Variants in ATP2C1 observed in about 807,000 individuals in gnomAD.
ATP2C1 encodes ATPase secretory pathway Ca2+ transporting 1.
A neutral mutation model predicts 120.5 loss-of-function variants in ATP2C1; 31 were observed. The observed-to-expected ratio is 0.26, with a 90% CI of 0.19 to 0.35. The LOEUF (loss-of-function observed/expected upper bound fraction) is 0.35, where lower values mean the gene tolerates loss of function less well. ATP2C1 is among the 10% of genes least tolerant of loss of function. The probability of loss-of-function intolerance (pLI) is 1.00; values close to 1 mark genes in which losing one functional copy is unlikely to be tolerated. For missense variants in ATP2C1, 731 were observed against 1,107.5 expected, an observed-to-expected ratio of 0.66 and a Z score of 4.83; for synonymous variants, 351 against 358.7, an observed-to-expected ratio of 0.98 and a Z score of 0.24.
chr3:130,871,391 A>G (rs1296524451), intron 1 of ATP2C1, among the ~76,000 whole-genome samples: 2 of 152,254 alleles, frequency 1.3e-5, no homozygotes, highest in Non-Finnish European at 2.9e-5. Context: ...AATCACCTAA[A>G]GGACTAATTA....
intron 16 of ATP2C1, among the ~76,000 whole-genome samples, chr3:130,968,386 G>A (rs529506692): frequency 1.3e-5 from 2 of 152,200 alleles, no homozygotes; most frequent in East Asian, 3.9e-4. Flanking sequence ...TGAGACAAAA[G>A]GCAGTCCAAG....
chr3:130,941,923 C>G (rs1303451698), intron 8 of ATP2C1, among the ~76,000 whole-genome samples: 1 of 151,964 alleles, frequency 6.6e-6, no homozygotes, highest in Non-Finnish European at 1.5e-5. Context: ...TTTATAGAAA[C>G]CTGCATATTA....
chr3:130,979,226 T>C (rs1197899550), intron 18 of ATP2C1, 23 bp from the exon 19 acceptor site: 1 of 1,612,916 alleles, frequency 6.2e-7, no homozygotes, highest in East Asian at 2.2e-5. Context: ...TTTGTTGTTG[T>C]TTGGATTTTA....
At chr3:130,915,680 C>T (rs568515929) in intron 2 of ATP2C1, among the ~76,000 whole-genome samples, 2 of 152,152 alleles carry the variant, frequency 1.3e-5, no homozygotes, top group African/African-American at 4.8e-5. Flanking sequence ...AGGGTTGTCG[C>T]AAGCCAACAC....
In ATP2C1 at chr3:130,980,615, A is replaced by G. The variant is rs1692249663; in HGVS notation, c.1775A>G (p.Gln592Arg). Reference protein sequence around the residue: ...SRLGLYSKTSQSVSGEEIDAM... With the variant: ...SRLGLYSKTSRSVSGEEIDAM... ...CTGGGATTGTATTCCAAAACTTCCC[A>G]GTCAGTCTCAGGAGAAGAAATAGAT... is the stretch of plus-strand genomic sequence containing the variant. The change falls in exon 20 of 28, where the codon CAG becomes CGG. Residue 592 changes from glutamine to arginine, a missense_variant. Physicochemically the swap from Gln to Arg is conservative, Grantham distance 43. This residue lies in a region of ATP2C1 where 571 missense variants were observed against 845.9 expected (regional missense o/e 0.67). Transcript: ENST00000510168. 1 of 1,613,320 alleles carries G rather than the reference A, an allele frequency of 6.2e-7. No individual in the cohort carries two copies. Among genetic ancestry groups the G allele is most frequent in the Admixed American group, 1.7e-5 (1 of 59,978 alleles).
At chr3:130,966,199 C>T (rs1052146137) in intron 14 of ATP2C1, among the ~76,000 whole-genome samples, 1 of 152,096 alleles carries the variant, frequency 6.6e-6, no homozygotes, top group East Asian at 1.9e-4. Flanking sequence ...AAAAGAGACT[C>T]TTGATATTTA....
At chr3:131,007,717 G>A (rs1475719056), downstream of ATP2C1, among the ~76,000 whole-genome samples, 1 of 152,138 alleles carries the variant, frequency 6.6e-6, no homozygotes. Flanking sequence ...GTGCCCTTTA[G>A]TTGACAAGTG....
chr3:130,996,070 T>C lies in ATP2C1; in HGVS notation c.2085T>C (p.Ile695=). 6.2e-7 allele frequency: 1 copy of C among 1,610,842 alleles called. No homozygotes were observed. The highest frequency in any genetic ancestry group is 8.5e-7 in the Non-Finnish European group (1 of 1,177,198). ...IMSAIEEGKG[I]YNNIKNFVRF... is the part of the protein sequence containing the mutation. ...CTGCAATCGAAGAGGGTAAAGGGAT[T>C]TATAATAACATTAAAAATTTCGTTA... Residue 695 remains isoleucine, a synonymous_variant, in exon 23 of 28, where the codon ATT becomes ATC. Transcript: ENST00000510168.
chr3:130,947,525 C>T (rs762458628), intron 8 of ATP2C1, among the ~76,000 whole-genome samples: 9 of 152,122 alleles, frequency 5.9e-5, no homozygotes, highest in Non-Finnish European at 1.2e-4. Flanking sequence ...TAGAATCATA[C>T]AATATGTAGT....
At position 130,935,087 on chromosome 3, in the gene ATP2C1, C is replaced by T. The variant is rs536715599; in HGVS notation, c.324+376C>T. Among the ~76,000 whole-genome samples, 32 of 152,208 alleles carry T rather than the reference C, an allele frequency of 2.1e-4. No individual in the cohort carries two copies. The South Asian group carries it at 4.6e-3, about 22-fold the overall frequency. ...GCTTCAAGTGATTCTCCCACCTTGA[C>T]CTCCCCAAAGTGTCGAAATTACAGG... On this transcript the variant is annotated intron_variant, in intron 5 of 27. Transcript: ENST00000510168.
intron 8 of ATP2C1, among the ~76,000 whole-genome samples, chr3:130,944,977 T>C (rs2060079749): frequency 6.6e-6 from 1 of 152,254 alleles, no homozygotes; most frequent in Admixed American, 6.5e-5. Context: ...CAACAGTTGT[T>C]ATACTATATT....
chr3:130,850,770 T>C (rs2067651186), exon 1 of ATP2C1: 1 of 869,234 alleles, frequency 1.2e-6, no homozygotes, highest in East Asian at 3.2e-5. Flanking sequence ...TCTAATTTCA[T>C]ATGGTTGCTG....
intron 1 of ATP2C1, among the ~76,000 whole-genome samples, chr3:130,855,672 A>G (rs114097949): frequency 0.023 from 3,527 of 152,244 alleles, 143 homozygotes; most frequent in African/African-American, 0.08. Flanking sequence ...ATGTAGAAAA[A>G]GGCCATATGA....
chr3:130,993,603 C>T (rs2062456892), intron 21 of ATP2C1, among the ~76,000 whole-genome samples: 1 of 152,166 alleles, frequency 6.6e-6, no homozygotes, highest in Non-Finnish European at 1.5e-5. Context: ...GTAACATCCC[C>T]CAAATCCTGA....
At chr3:130,971,135 C>CT (rs781151611) in intron 17 of ATP2C1, among the ~76,000 whole-genome samples, 17 of 152,098 alleles carry the variant, frequency 1.1e-4, no homozygotes, top group Admixed American at 4.6e-4. Context: ...ATGCATATGA[C>CT]TTTTTTTGAT....
At chr3:130,893,334 C>T (rs2069258362), upstream of ATP2C1, among the ~76,000 whole-genome samples, 1 of 152,144 alleles carries the variant, frequency 6.6e-6, no homozygotes. Context: ...TTCCATATAC[C>T]ACAAACGAAT....
intron 12 of ATP2C1, among the ~76,000 whole-genome samples, chr3:130,960,127 T>C (rs2060753443): frequency 6.6e-6 from 1 of 152,184 alleles, no homozygotes; most frequent in Non-Finnish European, 1.5e-5. Flanking sequence ...TCAGGTCATC[T>C]ACAAAGGAAG....
intron 2 of ATP2C1, among the ~76,000 whole-genome samples, chr3:130,923,762 G>A (rs538024865): frequency 6.6e-6 from 1 of 151,614 alleles, no homozygotes; most frequent in African/African-American, 2.4e-5. Flanking sequence ...AGCTACTTGG[G>A]AGGCTGAGGT....
intron 1 of ATP2C1, among the ~76,000 whole-genome samples, chr3:130,861,759 A>G (rs551912062): frequency 1.6e-4 from 25 of 152,328 alleles, no homozygotes; most frequent in Non-Finnish European, 2.6e-4. Flanking sequence ...GTAGATACGA[A>G]GTGAATACTT....
Sources: allele counts gnomAD v4.1 joint callset (sites outside exome capture counted in the v4.1 genomes callset), GRCh38; gene constraint gnomAD v4.1.1; regional missense constraint gnomAD v4.1.1; transcripts MANE v1.5; gene names NCBI Gene and HGNC (gene_info 2026-07-23, HGNC 2026-07-21).